EXOC4: variants seen among roughly 807,000 people sequenced by gnomAD.
EXOC4 encodes SEC8-like 1.
A neutral mutation model predicts 107.2 loss-of-function variants in EXOC4; 71 were observed. The ratio of observed to expected loss-of-function variants is 0.66; its 90% confidence interval spans 0.55 to 0.81. The LOEUF is 0.81. EXOC4 is among the 30% of genes least tolerant of loss of function. The pLI is 0.00. For missense variants in EXOC4, 1,108 were observed against 1,189.6 expected (o/e 0.93, Z 1.01); for synonymous variants, 456 against 441.2 (o/e 1.03, Z -0.42).
chr7:133,833,277 G>A (rs1797849962), intron 11 of EXOC4, among the ~76,000 whole-genome samples: 1 of 151,450 alleles, frequency 6.6e-6, no homozygotes, highest in Non-Finnish European at 1.5e-5. Flanking sequence ...GGATGTTTAG[G>A]TATCTGGAAA....
intron 9 of EXOC4, among the ~76,000 whole-genome samples, chr7:133,494,262 G>A (rs1256020250): frequency 6.6e-6 from 1 of 152,096 alleles, no homozygotes; most frequent in Admixed American, 6.6e-5. Context: ...CAGAAATAAT[G>A]CTTTACTAGC....
Position 133,361,260 on chromosome 7 carries a change from T to A in EXOC4, c.1007+4687T>A, listed in dbSNP as rs538553041. ...CTTGATATGCCATTTTCACTGTTTT[T>A]GCTTACCTCTGTATTGATTAAATTT... On this transcript the variant is annotated intron_variant, in intron 6 of 17. Coordinates refer to ENST00000253861, the MANE Select transcript of EXOC4 (RefSeq NM_021807.4). 2.0e-5 allele frequency among the ~76,000 whole-genome samples: 3 copies of A among 152,266 alleles called. 1 individual carries two copies. The highest frequency in any genetic ancestry group is 4.1e-4 in the South Asian group (2 of 4,830).
chr7:133,562,295 G>C (rs1035293847), intron 9 of EXOC4, among the ~76,000 whole-genome samples: 1 of 152,146 alleles, frequency 6.6e-6, no homozygotes, highest in African/African-American at 2.4e-5. Flanking sequence ...CTGCTCCTAT[G>C]ATATGAAGGC....
chr7:133,982,231 C>A (rs1794001892), intron 14 of EXOC4, among the ~76,000 whole-genome samples: 1 of 152,194 alleles, frequency 6.6e-6, no homozygotes. Flanking sequence ...TACACAGGTA[C>A]CCCTCAGCCT....
At chr7:133,759,581 T>A (rs1011166512) in intron 10 of EXOC4, among the ~76,000 whole-genome samples, 1 of 152,174 alleles carries the variant, frequency 6.6e-6, no homozygotes, top group Non-Finnish European at 1.5e-5. Flanking sequence ...ACATGACTAG[T>A]AAATGGCAGA....
chr7:133,948,582 A>G (rs1800609245), intron 14 of EXOC4, among the ~76,000 whole-genome samples: 1 of 152,168 alleles, frequency 6.6e-6, no homozygotes, highest in Non-Finnish European at 1.5e-5. Context: ...AAGGGGCGAG[A>G]TGTGCGAATT....
At chr7:133,849,071 G>A (rs1798190768) in intron 11 of EXOC4, among the ~76,000 whole-genome samples, 1 of 152,132 alleles carries the variant, frequency 6.6e-6, no homozygotes, top group Admixed American at 6.5e-5. Context: ...TGGAAGAAAT[G>A]TACAGTAGCA....
intron 10 of EXOC4, among the ~76,000 whole-genome samples, chr7:133,758,833 C>G (rs1443789052): frequency 6.6e-6 from 1 of 152,132 alleles, no homozygotes; most frequent in Admixed American, 6.5e-5. Context: ...CCCCTGCCCC[C>G]CAGAGATACA....
intron 9 of EXOC4, among the ~76,000 whole-genome samples, chr7:133,559,694 C>T (rs1800770697): frequency 6.6e-6 from 1 of 152,174 alleles, no homozygotes; most frequent in Non-Finnish European, 1.5e-5. Context: ...AACTCAAATA[C>T]CATCAGGTTT....
At position 133,502,145 on chromosome 7, in the gene EXOC4, T is replaced by TG. The variant is rs533741585; in HGVS notation, c.1417+22012dup. 6.6e-4 allele frequency among the ~76,000 whole-genome samples: 100 copies of TG among 150,678 alleles called. No individual in the cohort carries two copies. The South Asian group carries it at 9.3e-3, about 14-fold the overall frequency. Reference sequence around the variant, plus strand: ...CAGACACTTGACAGCAAAGTGGGAGTGGGGGAGTGTGAAATTATATGTAAA... The same window carrying TG: ...CAGACACTTGACAGCAAAGTGGGAGTGGGGGGAGTGTGAAATTATATGTAAA... On this transcript the variant is annotated intron_variant, in intron 9 of 17. Transcript: ENST00000253861.
At chr7:133,741,316 C>T (rs964869090) in intron 10 of EXOC4, among the ~76,000 whole-genome samples, 1 of 152,164 alleles carries the variant, frequency 6.6e-6, no homozygotes, top group African/African-American at 2.4e-5. Flanking sequence ...CATGCCAGGG[C>T]CTCTTTCTAC....
intron 12 of EXOC4, among the ~76,000 whole-genome samples, chr7:133,910,266 G>T (rs1290241610): frequency 6.6e-6 from 1 of 152,174 alleles, no homozygotes; most frequent in African/African-American, 2.4e-5. Flanking sequence ...CTGTGTTACA[G>T]TATAATTTTT....
Position 133,374,950 on chromosome 7 carries a change from T to A in EXOC4, c.1130T>A (p.Ile377Asn). Residue 377 changes from isoleucine (I) to asparagine (N), a missense_variant, in exon 7 of 18, where the codon ATC becomes AAC. Coordinates refer to ENST00000253861, the MANE Select transcript of EXOC4 (RefSeq NM_021807.4). Reference protein sequence around the residue: ...VVTPLTQQEDIKLYDMADVWV... With the variant: ...VVTPLTQQEDNKLYDMADVWV... ...ACTCCACTGACTCAGCAGGAAGATA[T>A]CAAACTGTATGATATGGCAGATGTA... 6.2e-7 allele frequency: 1 copy of A among 1,614,104 alleles called. No homozygotes were observed. Among genetic ancestry groups the A allele is most frequent in the Non-Finnish European group, 8.5e-7 (1 of 1,179,982 alleles).
chr7:134,006,528 G>A (rs1285684133), intron 16 of EXOC4, among the ~76,000 whole-genome samples: 1 of 152,146 alleles, frequency 6.6e-6, no homozygotes, highest in Non-Finnish European at 1.5e-5. Context: ...AGCAAGACCT[G>A]AATGCATCTC....
intron 13 of EXOC4, among the ~76,000 whole-genome samples, chr7:133,932,169 G>A (rs554801198): frequency 6.2e-4 from 94 of 152,244 alleles, no homozygotes; most frequent in South Asian, 5.0e-3. Flanking sequence ...GATTGCTTTC[G>A]TAATATTGCT....
At chr7:133,824,550 T>G (rs1197979640) in intron 11 of EXOC4, among the ~76,000 whole-genome samples, 1 of 152,184 alleles carries the variant, frequency 6.6e-6, no homozygotes, top group Non-Finnish European at 1.5e-5. Flanking sequence ...GCGTGCAGTA[T>G]TTTTGTCCAT....
intron 14 of EXOC4, among the ~76,000 whole-genome samples, chr7:133,969,466 A>G (rs1585287494): frequency 6.6e-6 from 1 of 152,268 alleles, no homozygotes; most frequent in East Asian, 1.9e-4. Flanking sequence ...GTTTTTCCTC[A>G]TCTTCGTGGA....
At chr7:133,853,825 C>G (rs1798291693) in intron 11 of EXOC4, among the ~76,000 whole-genome samples, 1 of 152,162 alleles carries the variant, frequency 6.6e-6, no homozygotes, top group African/African-American at 2.4e-5. Flanking sequence ...CAGATTAAAC[C>G]CGAGAAGAAC....
chr7:134,038,368 T>C (rs1374462371), intron 17 of EXOC4, among the ~76,000 whole-genome samples: 1 of 152,172 alleles, frequency 6.6e-6, no homozygotes, highest in African/African-American at 2.4e-5. Context: ...TAAAAATATT[T>C]TCCCAAGTGC....
Sources: allele counts gnomAD v4.1 joint callset (sites outside exome capture counted in the v4.1 genomes callset), GRCh38; gene constraint gnomAD v4.1.1; transcripts MANE v1.5; gene names NCBI Gene and HGNC (gene_info 2026-07-23, HGNC 2026-07-21).